ZNF678: variants seen among roughly 807,000 people sequenced by gnomAD.
ZNF678 encodes hypothetical protein MGC42493.
ZNF678 carries 5 observed loss-of-function variants against 3.0 expected under a neutral mutation model. That is an observed-to-expected ratio of 1.69 (90% CI 0.88 to 3.56). The LOEUF is 3.56. ZNF678 is among the 30% of genes most tolerant of loss of function. The probability of loss-of-function intolerance (pLI) is 0.00; values close to 1 mark genes in which losing one functional copy is unlikely to be tolerated. For missense variants in ZNF678, 593 were observed against 605.0 expected, an observed-to-expected ratio of 0.98 and a Z score of 0.21; for synonymous variants, 218 against 199.6, an observed-to-expected ratio of 1.09 and a Z score of -0.78.
intron 1 of ZNF678, among the ~76,000 whole-genome samples, chr1:227,587,053 A>C (rs1040517112): frequency 6.6e-6 from 1 of 152,224 alleles, no homozygotes; most frequent in Non-Finnish European, 1.5e-5. Context: ...GGTTGGGAGA[A>C]GCTAGGCCTC....
intron 1 of ZNF678, among the ~76,000 whole-genome samples, 178 bp from the exon 2 acceptor site, chr1:227,646,366 T>A (rs1231368142): frequency 2.0e-5 from 3 of 152,248 alleles, no homozygotes; most frequent in African/African-American, 7.2e-5. Flanking sequence ...GTAAATCTTA[T>A]GCCATCCTCT....
At position 227,640,252 on chromosome 1, in the gene ZNF678, C is replaced by T. The variant is rs867613530; in HGVS notation, c.-163-6292C>T. Among the ~76,000 whole-genome samples, 33 of 152,062 alleles carry T rather than the reference C, an allele frequency of 2.2e-4. No individual in the cohort carries two copies. The Middle Eastern group carries it at 0.014, about 63-fold the overall frequency. ...TGAGTACAGGCAATGCTAGAGTTGT[C>T]CTGAGGAGAGGATGGTGTAGGAAAA... On this transcript the variant is annotated intron_variant, in intron 1 of 3. Coordinates refer to ENST00000343776, the MANE Select transcript of ZNF678 (RefSeq NM_001367909.1).
intron 1 of ZNF678, among the ~76,000 whole-genome samples, chr1:227,624,839 A>C (rs941578485): frequency 1.3e-5 from 2 of 152,200 alleles, no homozygotes; most frequent in Non-Finnish European, 2.9e-5. Flanking sequence ...ACCCTGCCAG[A>C]TCCAGAGGGA....
rs749412578 is a variant in ZNF678 at position 227,655,520 on chromosome 1, A to G, written c.1270A>G (p.Lys424Glu). 6 of 1,612,614 alleles carry G rather than the reference A, an allele frequency of 3.7e-6. No homozygotes were observed. The highest frequency in any genetic ancestry group is 4.2e-6 in the Non-Finnish European group (5 of 1,179,352). Residue 424 changes from lysine to glutamate, a missense_variant, in exon 4 of 4, where the codon AAG (lysine) becomes GAG (glutamate). Coordinates refer to ENST00000343776, the MANE Select transcript of ZNF678 (RefSeq NM_001367909.1). ...ACAGTGCTCTCACCTAACTAGCCAT[A>G]AGAGAATTCATACTGGAGAGAAACC... ...FKQCSHLTSH[K>E]RIHTGEKPYK...
Position 227,574,869 on chromosome 1 carries a change from T to C in ZNF678, c.-164+11145T>C, listed in dbSNP as rs977461147. Among the ~76,000 whole-genome samples the C allele has an allele frequency of 2.0e-5, 3 of 152,218 alleles. No individual in the cohort carries two copies. In the South Asian group the frequency reaches 6.2e-4, roughly 32 times the overall value. On this transcript the variant is annotated intron_variant, in intron 1 of 3. Transcript: ENST00000343776. ...TAAGGAAGGGGTCCAATTTCAATCT[T>C]CTGCAAACGGCTAGCCAGTTATCCC...
chr1:227,572,766 T>C (rs1470064070), intron 1 of ZNF678, among the ~76,000 whole-genome samples: 1 of 152,242 alleles, frequency 6.6e-6, no homozygotes, highest in Non-Finnish European at 1.5e-5. Flanking sequence ...GAGGCAATGA[T>C]TGCTGCATGC....
In ZNF678 at chr1:227,661,278, GTTGTTTTGTT is replaced by G. The variant is rs971476952; in HGVS notation, c.*5463_*5472del. 2 of 147,442 alleles carry G rather than the reference GTTGTTTTGTT, an allele frequency of 1.4e-5. No individual in the cohort carries two copies. Among genetic ancestry groups the G allele is most frequent in the African/African-American group, 5.0e-5 (2 of 39,824 alleles). 9.1% of individuals were successfully genotyped at this position (147,442 alleles called of 1,614,324 possible). On this transcript the variant is annotated 3_prime_UTR_variant, in exon 4 of 4. Transcript: ENST00000343776. ...GAACGTGGGACCTTTGTTTTTTTTT[GTTGTTTTGTT>G]TTGTTTTGTTTTTGTTGTTGTTGTT...
chr1:227,578,256 G>A (rs1199227175), intron 1 of ZNF678, among the ~76,000 whole-genome samples: 1 of 152,124 alleles, frequency 6.6e-6, no homozygotes, highest in Non-Finnish European at 1.5e-5. Flanking sequence ...GGTGCGTTCT[G>A]CATTTTTTGA....
chr1:227,646,998 C>T (rs1395279575), intron 2 of ZNF678, among the ~76,000 whole-genome samples: 1 of 152,108 alleles, frequency 6.6e-6, no homozygotes, highest in African/African-American at 2.4e-5. Flanking sequence ...GAGCTGAGAA[C>T]CTATATGTTT....
At position 227,651,019 on chromosome 1, in the gene ZNF678, G is replaced by A. The variant is rs748465707; in HGVS notation, c.28G>A (p.Val10Ile). Reference sequence around the variant, plus strand: ...GGGCACAATATCACTTTGCATTGGTGTCTGTGCATTTGAAGGAGCAAACAC... The same window carrying A: ...GGGCACAATATCACTTTGCATTGGTATCTGTGCATTTGAAGGAGCAAACAC... MGTISLCIG[V>I]CAFEGANTST... Residue 10 changes from valine to isoleucine, a missense_variant, in exon 3 of 4, where the codon GTC (valine) becomes ATC (isoleucine). Physicochemically the swap from Val to Ile is conservative, Grantham distance 29. Transcript: ENST00000343776. The A allele has an allele frequency of 6.2e-7, 1 of 1,613,408 alleles. No individual in the cohort carries two copies. Among genetic ancestry groups the A allele is most frequent in the Non-Finnish European group, 8.5e-7 (1 of 1,179,772 alleles).
Position 227,625,847 on chromosome 1 carries a change from G to A in ZNF678, c.-163-20697G>A, listed in dbSNP as rs553565086. Among the ~76,000 whole-genome samples, 3 of 152,242 alleles carry A rather than the reference G, an allele frequency of 2.0e-5. No homozygotes were observed. The South Asian group carries it at 6.2e-4, about 32-fold the overall frequency. On this transcript the variant is annotated intron_variant, in intron 1 of 3. Transcript: ENST00000343776. ...AGACATACCGGTATGGGTGAAGTAAGTCCAATAGACAGTGGCTCCAAGCCC... is the reference window on the plus strand; with the variant it reads ...AGACATACCGGTATGGGTGAAGTAAATCCAATAGACAGTGGCTCCAAGCCC...
At chr1:227,662,887 T>A (rs7540754), downstream of ZNF678, among the ~76,000 whole-genome samples, 21,554 of 152,182 alleles carry the variant, frequency 0.14, 1,637 homozygotes, top group Non-Finnish European at 0.16. Context: ...TATTATGGGC[T>A]GAATTGCATT....
intron 1 of ZNF678, among the ~76,000 whole-genome samples, chr1:227,584,621 T>C (rs537337678): frequency 6.6e-6 from 1 of 152,274 alleles, no homozygotes; most frequent in South Asian, 2.1e-4. Flanking sequence ...ATAAGATGGG[T>C]ATAGACACCA....
chr1:227,581,249 A>G (rs148189288), intron 1 of ZNF678, among the ~76,000 whole-genome samples: 1,574 of 152,030 alleles, frequency 0.01, 20 homozygotes, highest in Non-Finnish European at 0.014. Flanking sequence ...AATATACATA[A>G]GTTATAAGTA....
chr1:227,579,665 G>A (rs76611952), intron 1 of ZNF678, among the ~76,000 whole-genome samples: 2,516 of 152,246 alleles, frequency 0.017, 58 homozygotes, highest in South Asian at 0.055. Flanking sequence ...GTCGGGCATA[G>A]TGCATCAGTG....
At chr1:227,610,716 T>C (rs1657995531) in intron 1 of ZNF678, among the ~76,000 whole-genome samples, 1 of 152,212 alleles carries the variant, frequency 6.6e-6, no homozygotes. Context: ...TTTGTACTGA[T>C]GACTGTACAA....
intron 1 of ZNF678, among the ~76,000 whole-genome samples, chr1:227,573,032 G>A (rs1482415273): frequency 6.6e-6 from 1 of 152,256 alleles, no homozygotes; most frequent in African/African-American, 2.4e-5. Context: ...AGAGTAGAGT[G>A]TGGTGAGGTG....
intron 1 of ZNF678, among the ~76,000 whole-genome samples, chr1:227,592,632 C>T (rs1558135777): frequency 6.6e-6 from 1 of 152,178 alleles, no homozygotes. Context: ...TAACTGTCAC[C>T]CACTAAAATA....
intron 1 of ZNF678, among the ~76,000 whole-genome samples, chr1:227,632,711 C>T (rs953769792): frequency 3.3e-5 from 5 of 152,112 alleles, no homozygotes; most frequent in African/African-American, 9.7e-5. Context: ...TATTTTCCTC[C>T]GATTCTAAGG....
Sources: gnomAD v4.1 joint callset for allele counts (sites outside exome capture counted in the v4.1 genomes callset) on GRCh38, gnomAD v4.1.1 for gene constraint, MANE v1.5 for transcripts, NCBI Gene and HGNC (gene_info 2026-07-23, HGNC 2026-07-21) for gene names.